The following KCNIP1 variants were observed in gnomAD, a reference collection of about 807,000 sequenced individuals.
The protein encoded by KCNIP1 is A-type potassium channel modulatory protein KCNIP1.
A neutral mutation model predicts 33.0 loss-of-function variants in KCNIP1; 18 were observed. That is an observed-to-expected ratio of 0.55 (90% CI 0.38 to 0.81). The LOEUF (loss-of-function observed/expected upper bound fraction) is 0.81, where lower values mean the gene tolerates loss of function less well. Among genes scored for constraint, KCNIP1 ranks in the 30% least tolerant of loss-of-function variants. The pLI, the probability that KCNIP1 is intolerant of heterozygous loss-of-function variation, is 0.00. For synonymous variants in KCNIP1, 93 were observed against 98.3 expected, an observed-to-expected ratio of 0.95 and a Z score of 0.32; for missense variants, 238 against 271.6, an observed-to-expected ratio of 0.88 and a Z score of 0.87.
intron 1 of KCNIP1, among the ~76,000 whole-genome samples, chr5:170,694,970 A>G (rs1329112020): frequency 3.3e-5 from 5 of 152,348 alleles, no homozygotes; most frequent in Middle Eastern, 3.4e-3. Flanking sequence ...ATTGACTTAC[A>G]ATAGCCAAAG....
At chr5:170,394,063 T>A (rs1472876460) in intron 1 of KCNIP1, among the ~76,000 whole-genome samples, 2 of 152,202 alleles carry the variant, frequency 1.3e-5, no homozygotes, top group Non-Finnish European at 2.9e-5. Flanking sequence ...AGAGTTGCTG[T>A]AAGAGTGGTG....
chr5:170,402,219 C>CT (rs11400682), intron 1 of KCNIP1, among the ~76,000 whole-genome samples: 24,029 of 152,104 alleles, frequency 0.16, 1,979 homozygotes, highest in Admixed American at 0.21. Context: ...TACAAAGACT[C>CT]TTTTTTTCCT....
rs938408649 is a variant in KCNIP1 at position 170,440,212 on chromosome 5, C to T, written c.88+86248C>T. On this transcript the variant is annotated intron_variant, in intron 1 of 7. Transcript: ENST00000377360. ...GAAACCAACCTGCTGACACCTTCAT[C>T]TCAGACTTCCGGGCTCCAGCACTGG... Among the ~76,000 whole-genome samples the T allele has an allele frequency of 3.9e-5, 6 of 152,230 alleles. 1 individual carries two copies. In the South Asian group the frequency reaches 1.2e-3, roughly 31 times the overall value.
intron 1 of KCNIP1, among the ~76,000 whole-genome samples, chr5:170,546,947 C>T (rs1756431307): frequency 6.6e-6 from 1 of 152,040 alleles, no homozygotes. Flanking sequence ...TTAGAATTTC[C>T]TCTGTGAGGA....
intron 1 of KCNIP1, among the ~76,000 whole-genome samples, chr5:170,626,427 C>G (rs1444044883): frequency 6.6e-6 from 1 of 152,200 alleles, no homozygotes; most frequent in Non-Finnish European, 1.5e-5. Context: ...GTCTGCCCCC[C>G]TCCCATGGCA....
chr5:170,533,798 G>T (rs1441047672), intron 1 of KCNIP1, among the ~76,000 whole-genome samples: 1 of 152,174 alleles, frequency 6.6e-6, no homozygotes, highest in Non-Finnish European at 1.5e-5. Context: ...CTATTAGATT[G>T]CAATTCTCAG....
At chr5:170,601,483 A>C (rs1758686328) in intron 1 of KCNIP1, among the ~76,000 whole-genome samples, 2 of 152,154 alleles carry the variant, frequency 1.3e-5, no homozygotes, top group Admixed American at 6.5e-5. Flanking sequence ...TCTGTCTTAG[A>C]ATGAGGCAGT....
intron 5 of KCNIP1, among the ~76,000 whole-genome samples, chr5:170,725,288 C>CA (rs1203706551): frequency 2.6e-5 from 4 of 152,178 alleles, no homozygotes; most frequent in Non-Finnish European, 4.4e-5. Context: ...TGTCCATCAA[C>CA]AGATGAATGG....
At chr5:170,412,463 G>A (rs1468643278) in intron 1 of KCNIP1, among the ~76,000 whole-genome samples, 1 of 152,166 alleles carries the variant, frequency 6.6e-6, no homozygotes, top group Non-Finnish European at 1.5e-5. Flanking sequence ...GCCCTCCAAG[G>A]GGGAAAGAGG....
intron 1 of KCNIP1, among the ~76,000 whole-genome samples, chr5:170,467,024 G>C (rs116519689): frequency 0.046 from 7,012 of 152,218 alleles, 318 homozygotes; most frequent in Admixed American, 0.096. Flanking sequence ...TAATAAAACC[G>C]AGACTCAAAA....
chr5:170,662,468 C>T (rs186109790), intron 1 of KCNIP1, among the ~76,000 whole-genome samples: 84 of 152,262 alleles, frequency 5.5e-4, no homozygotes, highest in Middle Eastern at 3.4e-3. Flanking sequence ...CCCAGGTCTC[C>T]GCTCATCCTT....
At chr5:170,459,270 C>T (rs1756579495) in intron 1 of KCNIP1, among the ~76,000 whole-genome samples, 1 of 152,096 alleles carries the variant, frequency 6.6e-6, no homozygotes, top group Non-Finnish European at 1.5e-5. Flanking sequence ...CCACTGACAG[C>T]ACTAGACAGG....
chr5:170,566,111 C>T (rs908791580), intron 1 of KCNIP1, among the ~76,000 whole-genome samples: 8 of 152,150 alleles, frequency 5.3e-5, no homozygotes, highest in Non-Finnish European at 8.8e-5. Context: ...TCACTGCAAC[C>T]TCTGCCTCCC....
At chr5:170,469,170 G>T (rs931897834) in intron 1 of KCNIP1, among the ~76,000 whole-genome samples, 3 of 152,100 alleles carry the variant, frequency 2.0e-5, no homozygotes, top group African/African-American at 7.2e-5. Context: ...TGAGACAAGA[G>T]GATTCCTTGA....
chr5:170,509,161 G>A (rs939096474), intron 1 of KCNIP1, among the ~76,000 whole-genome samples: 26 of 152,092 alleles, frequency 1.7e-4, no homozygotes, highest in African/African-American at 6.0e-4. Context: ...CTGTTGTTCG[G>A]TCTGCTGGCT....
chr5:170,575,004 C>T (rs1356183878), intron 1 of KCNIP1, among the ~76,000 whole-genome samples: 1 of 151,962 alleles, frequency 6.6e-6, no homozygotes, highest in Non-Finnish European at 1.5e-5. Context: ...TCCAGCAGTT[C>T]CAGGAAAAAA....
intron 1 of KCNIP1, among the ~76,000 whole-genome samples, chr5:170,416,209 G>A (rs1755325346): frequency 6.6e-6 from 1 of 152,152 alleles, no homozygotes; most frequent in Non-Finnish European, 1.5e-5. Flanking sequence ...GAACTCCTGA[G>A]GCTGAAGCCA....
chr5:170,456,379 T>C lies in KCNIP1; in HGVS notation c.88+102415T>C, dbSNP rs1436382476. 2.0e-5 allele frequency among the ~76,000 whole-genome samples: 3 copies of C among 152,044 alleles called. No individual in the cohort carries two copies. The East Asian group carries it at 5.8e-4, about 29-fold the overall frequency. ...ATGCATATGGGGTTTAAAACCTAGA[T>C]GACAGGTTGATAGGTGCAGCAAACC... On this transcript the variant is annotated intron_variant, in intron 1 of 7. Transcript: ENST00000377360.
chr5:170,466,672 C>T (rs2113122074), intron 1 of KCNIP1, among the ~76,000 whole-genome samples: 1 of 152,250 alleles, frequency 6.6e-6, no homozygotes, highest in Middle Eastern at 3.4e-3. Flanking sequence ...TGAGAGTCTG[C>T]CTTCTGGCTC....
Sources: allele counts gnomAD v4.1 joint callset (sites outside exome capture counted in the v4.1 genomes callset), GRCh38; gene constraint gnomAD v4.1.1; transcripts MANE v1.5; gene names NCBI Gene and HGNC (gene_info 2026-07-23, HGNC 2026-07-21).